Variants in LMBRD2 observed in about 807,000 individuals in gnomAD.
LMBRD2 encodes LMBR1 domain containing 2.
Under a neutral mutation model 94.4 loss-of-function variants are expected in LMBRD2, and 55 were observed. The observed-to-expected ratio is 0.58, with a 90% CI of 0.47 to 0.73. The LOEUF (loss-of-function observed/expected upper bound fraction) is 0.73. Among genes scored for constraint, LMBRD2 ranks in the 30% least tolerant of loss-of-function variants. The pLI, the probability that LMBRD2 is intolerant of heterozygous loss-of-function variation, is 0.00. For missense variants in LMBRD2, 640 were observed against 831.9 expected (o/e 0.77, Z 2.84); for synonymous variants, 246 against 272.4 (o/e 0.90, Z 0.95).
chr5:36,140,178 T>C (rs993252476), intron 4 of LMBRD2, among the ~76,000 whole-genome samples: 1 of 152,190 alleles, frequency 6.6e-6, no homozygotes, highest in Non-Finnish European at 1.5e-5. Context: ...CTGCTTGCAG[T>C]GCATCTGACC....
chr5:36,129,520 T>G (rs962074241), intron 6 of LMBRD2, among the ~76,000 whole-genome samples: 2 of 152,036 alleles, frequency 1.3e-5, no homozygotes, highest in African/African-American at 4.8e-5. Flanking sequence ...GTGAAAATAT[T>G]CTTCAAACAT....
chr5:36,122,464 C>A lies in LMBRD2; in HGVS notation c.937-1G>T. ...GGTGTCTCTGAACTGAATAAATCACCTAAAAAAGAGAATGGGGGTAGACCT... is the reference window on the plus strand; with the variant it reads ...GGTGTCTCTGAACTGAATAAATCACATAAAAAAGAGAATGGGGGTAGACCT... On this transcript the variant is annotated splice_acceptor_variant, in intron 8 of 17. Transcript: ENST00000296603. LOFTEE classifies it high-confidence loss of function. 1 of 1,609,238 alleles carries A rather than the reference C, an allele frequency of 6.2e-7. No homozygotes were observed. Among genetic ancestry groups the A allele is most frequent in the South Asian group, 1.1e-5 (1 of 89,982 alleles).
chr5:36,113,271 C>G (rs928894027), intron 13 of LMBRD2, among the ~76,000 whole-genome samples: 1 of 152,132 alleles, frequency 6.6e-6, no homozygotes, highest in Non-Finnish European at 1.5e-5. Context: ...CCGGTGCATA[C>G]AGCCCCCAGT....
At chr5:36,124,302 T>A (rs770640213) in intron 6 of LMBRD2, 37 bp from the exon 7 acceptor site, 1 of 1,232,290 alleles carries the variant, frequency 8.1e-7, no homozygotes, top group East Asian at 2.4e-5. Context: ...ATATTTCCAT[T>A]TCTACAGATC....
chr5:36,133,569 AG>A (rs1229242102), intron 6 of LMBRD2, among the ~76,000 whole-genome samples: 2 of 152,170 alleles, frequency 1.3e-5, no homozygotes, highest in African/African-American at 4.8e-5. Flanking sequence ...TTAAAACCCC[AG>A]AAAAACAAAC....
chr5:36,138,853 A>T (rs930462759), intron 4 of LMBRD2, among the ~76,000 whole-genome samples: 1 of 152,248 alleles, frequency 6.6e-6, no homozygotes, highest in African/African-American at 2.4e-5. Context: ...ATTGAAAGCT[A>T]CAAGTATGTA....
chr5:36,102,961 T>A lies in LMBRD2; in HGVS notation c.*1085A>T, dbSNP rs903433771. 6.6e-6 allele frequency: 1 copy of A among 151,836 alleles called. No homozygotes were observed. Among genetic ancestry groups the A allele is most frequent in the African/African-American group, 2.4e-5 (1 of 41,410 alleles). 9.4% of individuals were successfully genotyped at this position (151,836 alleles called of 1,614,324 possible). On this transcript the variant is annotated 3_prime_UTR_variant, in exon 18 of 18. Coordinates refer to ENST00000296603, the MANE Select transcript of LMBRD2 (RefSeq NM_001007527.2). ...CACTTTTCAATAAAACACTAGTGCT[T>A]TAAAATATAATACATAAATTTATCT...
In LMBRD2 at chr5:36,129,751, A is replaced by G. The variant is rs766889438; in HGVS notation, c.748-5486T>C. On this transcript the variant is annotated intron_variant, in intron 6 of 17. Transcript: ENST00000296603. ...TATGACTGCGGTGTGAAAACTACTC[A>G]TATCTTGAGACAAACCAATGAAAAA... Among the ~76,000 whole-genome samples, 18 of 152,340 alleles carry G rather than the reference A, an allele frequency of 1.2e-4. No homozygotes were observed. In the Middle Eastern group the frequency reaches 0.01, roughly 86 times the overall value.
chr5:36,118,262 T>C (rs1318126113), intron 9 of LMBRD2, among the ~76,000 whole-genome samples: 1 of 152,162 alleles, frequency 6.6e-6, no homozygotes, highest in East Asian at 1.9e-4. Context: ...ATTTCTGATA[T>C]ATCATAAAAC....
At position 36,143,091 on chromosome 5, in the gene LMBRD2, C is replaced by T. The variant is rs1579529114; in HGVS notation, c.174+85G>A. 30 of 899,736 alleles carry T rather than the reference C, an allele frequency of 3.3e-5. No individual in the cohort carries two copies. In the East Asian group the frequency reaches 8.1e-4, roughly 24 times the overall value. 55.7% of individuals were successfully genotyped at this position (899,736 alleles called of 1,614,324 possible). ...TTAATTCAAAACTGACATAACTTAG[C>T]TGTCTTAAGAAATAACATTATTTCC... On this transcript the variant is annotated intron_variant, in intron 2 of 17. Coordinates refer to ENST00000296603, the MANE Select transcript of LMBRD2 (RefSeq NM_001007527.2).
rs1045293038 is a variant in LMBRD2 at position 36,099,716 on chromosome 5, A to C, written c.*4330T>G. ...ATAATCTGAGATCAAGATAACCAAA[A>C]AAGGAAATATTTTCAGTGAAAAAAA... On this transcript the variant is annotated 3_prime_UTR_variant, in exon 18 of 18. Coordinates refer to ENST00000296603, the MANE Select transcript of LMBRD2 (RefSeq NM_001007527.2). The C allele has an allele frequency of 1.3e-5, 2 of 152,184 alleles. No homozygotes were observed. The highest frequency in any genetic ancestry group is 4.8e-5 in the African/African-American group (2 of 41,456). 9.4% of individuals were successfully genotyped at this position (152,184 alleles called of 1,614,324 possible).
rs973615678 is a variant in LMBRD2 at position 36,136,206 on chromosome 5, C to A, written c.747+103G>T. On this transcript the variant is annotated intron_variant, in intron 6 of 17. Coordinates refer to ENST00000296603, the MANE Select transcript of LMBRD2 (RefSeq NM_001007527.2). ...GATTGCACAACACCAGTTTTGCAGT[C>A]TGAAGCCCATCAATGCACTAACAAC... is the stretch of plus-strand genomic sequence containing the variant. The A allele has an allele frequency of 2.1e-5, 23 of 1,072,428 alleles. No homozygotes were observed. The African/African-American group carries it at 3.4e-4, about 16-fold the overall frequency. The allele number at this position is 1,072,428 out of a possible 1,614,324, so 66.4% of individuals were successfully genotyped here. A position where few individuals can be genotyped will look rare whatever the true frequency, so the allele number is the denominator to read the frequency against.
At chr5:36,105,315 T>A (rs1743440645) in intron 16 of LMBRD2, 118 bp from the exon 17 acceptor site, 2 of 835,038 alleles carry the variant, frequency 2.4e-6, no homozygotes, top group Admixed American at 4.9e-5. Context: ...ACAAAGAACA[T>A]AAGAAAAGAT....
chr5:36,107,345 G>A (rs531264534), intron 16 of LMBRD2, among the ~76,000 whole-genome samples: 1 of 151,946 alleles, frequency 6.6e-6, no homozygotes, highest in South Asian at 2.1e-4. Flanking sequence ...CCACCTCTGG[G>A]TCTGGTTATG....
At position 36,151,422 on chromosome 5, in the gene LMBRD2, T is replaced by G. The variant is rs2111928565; in HGVS notation, c.-58+134A>C. Reference sequence around the variant, plus strand: ...GTTCCAACGGCGTGTTTAGCTGTTGTGCGTTATTTTACAGATAAAGGAAGG... The same window carrying G: ...GTTCCAACGGCGTGTTTAGCTGTTGGGCGTTATTTTACAGATAAAGGAAGG... On this transcript the variant is annotated intron_variant, in intron 1 of 17. Coordinates refer to ENST00000296603, the MANE Select transcript of LMBRD2 (RefSeq NM_001007527.2). The surrounding 1 kb of genome is among the most constrained non-coding windows in gnomAD (Gnocchi z 4.7). 1 of 152,302 alleles carries G rather than the reference T, an allele frequency of 6.6e-6. No homozygotes were observed. The highest frequency in any genetic ancestry group is 6.5e-5 in the Admixed American group (1 of 15,294). 9.4% of individuals were successfully genotyped at this position (152,302 alleles called of 1,614,324 possible).
At position 36,100,635 on chromosome 5, in the gene LMBRD2, T is replaced by C. The variant is rs1206285936; in HGVS notation, c.*3411A>G. On this transcript the variant is annotated 3_prime_UTR_variant, in exon 18 of 18. Coordinates refer to ENST00000296603, the MANE Select transcript of LMBRD2 (RefSeq NM_001007527.2). ...TTAGAATTCAATACAATCCATTACA[T>C]TTGATGATTCAAGTACGCTAAGATT... is the stretch of plus-strand genomic sequence containing the variant. 1 of 152,120 alleles carries C rather than the reference T, an allele frequency of 6.6e-6. No individual in the cohort carries two copies. Among genetic ancestry groups the C allele is most frequent in the Non-Finnish European group, 1.5e-5 (1 of 67,980 alleles). The allele number at this position is 152,120 out of a possible 1,614,324, so 9.4% of individuals were successfully genotyped here.
chr5:36,116,199 A>C (rs1743740374), intron 11 of LMBRD2, among the ~76,000 whole-genome samples: 1 of 152,100 alleles, frequency 6.6e-6, no homozygotes, highest in African/African-American at 2.4e-5. Context: ...ACTGCTTGCT[A>C]ATCTCTGGTT....
intron 6 of LMBRD2, 69 bp from the exon 7 acceptor site, chr5:36,124,334 AT>A: frequency 2.4e-6 from 2 of 840,220 alleles, no homozygotes; most frequent in South Asian, 3.2e-5. Flanking sequence ...ATGAGAATGC[AT>A]TAGGTACTAT....
intron 6 of LMBRD2, among the ~76,000 whole-genome samples, chr5:36,132,008 A>C (rs1744163210): frequency 6.6e-6 from 1 of 152,180 alleles, no homozygotes; most frequent in Admixed American, 6.5e-5. Flanking sequence ...TCAACTGCCA[A>C]AGCTATCTTG....
Sources: gnomAD v4.1 joint callset for allele counts (sites outside exome capture counted in the v4.1 genomes callset) on GRCh38, gnomAD v4.1.1 for gene constraint, Gnocchi (gnomAD v3.1) non-coding constraint, MANE v1.5 for transcripts, NCBI Gene and HGNC (gene_info 2026-07-23, HGNC 2026-07-21) for gene names.